The following PARD3B variants were observed in gnomAD, a reference collection of about 807,000 sequenced individuals.
The protein encoded by PARD3B is par-3 family cell polarity regulator beta.
PARD3B carries 103 observed loss-of-function variants against 130.2 expected under a neutral mutation model. That is an observed-to-expected ratio of 0.79 (90% CI 0.67 to 0.93). The LOEUF is 0.93. PARD3B is among the 40% of genes least tolerant of loss of function. The probability of loss-of-function intolerance (pLI) is 0.00; values close to 1 mark genes in which losing one functional copy is unlikely to be tolerated. For synonymous variants in PARD3B, 583 were observed against 553.2 expected, an observed-to-expected ratio of 1.05 and a Z score of -0.76; for missense variants, 1,609 against 1,499.2, an observed-to-expected ratio of 1.07 and a Z score of -1.21.
chr2:204,791,147 TAGAATC>T (rs1314047900), intron 2 of PARD3B, among the ~76,000 whole-genome samples: 2 of 152,210 alleles, frequency 1.3e-5, no homozygotes, highest in African/African-American at 2.4e-5. Context: ...CTCTTCATGT[TAGAATC>T]AGAGCAAGCC....
intron 3 of PARD3B, among the ~76,000 whole-genome samples, chr2:204,966,695 T>C (rs1202687917): frequency 1.3e-5 from 2 of 152,178 alleles, no homozygotes; most frequent in Admixed American, 1.3e-4. Flanking sequence ...TTTCTTCAGC[T>C]TTTTTGTTGG....
At chr2:204,781,509 T>C (rs1158986329) in intron 2 of PARD3B, among the ~76,000 whole-genome samples, 1 of 152,130 alleles carries the variant, frequency 6.6e-6, no homozygotes, top group Admixed American at 6.6e-5. Flanking sequence ...CTAGCTTTAA[T>C]GTTGATGTTT....
intron 22 of PARD3B, among the ~76,000 whole-genome samples, chr2:205,603,654 A>G (rs192450143): frequency 8.5e-4 from 130 of 152,244 alleles, no homozygotes; most frequent in African/African-American, 2.8e-3. Flanking sequence ...CTGTTTTGTC[A>G]GAAACCAGAA....
intron 1 of PARD3B, among the ~76,000 whole-genome samples, chr2:204,592,456 C>A (rs1460456274): frequency 6.6e-6 from 1 of 152,114 alleles, no homozygotes; most frequent in Non-Finnish European, 1.5e-5. Context: ...ATTGTGTTTT[C>A]TAAAACATCC....
At chr2:204,778,209 T>C (rs2041708705) in intron 2 of PARD3B, among the ~76,000 whole-genome samples, 1 of 152,128 alleles carries the variant, frequency 6.6e-6, no homozygotes, top group East Asian at 1.9e-4. Context: ...TGTGGTCTTA[T>C]TGAAATTCAG....
chr2:205,172,502 A>G, intron 12 of PARD3B, 121 bp downstream of exon 12: 1 of 1,005,664 alleles, frequency 9.9e-7, no homozygotes. Flanking sequence ...AAGGGCTTTG[A>G]TGGGAAACAG....
Position 205,616,069 on chromosome 2 carries a change from A to G in PARD3B, c.*256A>G. 1 of 483,130 alleles carries G rather than the reference A, an allele frequency of 2.1e-6. No homozygotes were observed. Among genetic ancestry groups the G allele is most frequent in the South Asian group, 3.3e-5 (1 of 30,338 alleles). The allele number at this position is 483,130 out of a possible 1,614,324, so 29.9% of individuals were successfully genotyped here. The stretch of plus-strand genomic sequence containing the variant: ...ACTACCTGATAGTTGAAACGCTTTC[A>G]GAGTTGTTCAAATCAGTGAGAGTGG... On this transcript the variant is annotated 3_prime_UTR_variant, in exon 23 of 23. Transcript: ENST00000406610.
chr2:204,876,380 G>A (rs1369927317), intron 2 of PARD3B, among the ~76,000 whole-genome samples: 1 of 152,122 alleles, frequency 6.6e-6, no homozygotes, highest in Non-Finnish European at 1.5e-5. Flanking sequence ...TTTTTGTAGA[G>A]CAAATCAAAT....
intron 1 of PARD3B, among the ~76,000 whole-genome samples, chr2:204,682,969 A>G (rs561746260): frequency 6.6e-6 from 1 of 152,270 alleles, no homozygotes; most frequent in Non-Finnish European, 1.5e-5. Flanking sequence ...ATTAAAGCCT[A>G]TTTGGAACCA....
chr2:204,969,065 A>G (rs888615618), intron 3 of PARD3B, among the ~76,000 whole-genome samples: 9 of 152,246 alleles, frequency 5.9e-5, no homozygotes, highest in South Asian at 2.1e-4. Context: ...CAGCCAAAGC[A>G]TGTTACCATA....
At chr2:205,057,412 TATACATATATAC>T (rs1369769980) in intron 4 of PARD3B, among the ~76,000 whole-genome samples, 2 of 136,792 alleles carry the variant, frequency 1.5e-5, no homozygotes, top group Middle Eastern at 4.7e-3. Flanking sequence ...GTTATATACA[TATACATATATAC>T]ATGTATATGT....
intron 11 of PARD3B, among the ~76,000 whole-genome samples, chr2:205,167,554 A>G (rs557426375): frequency 6.6e-6 from 1 of 152,306 alleles, no homozygotes; most frequent in South Asian, 2.1e-4. Context: ...TCTGACTGCA[A>G]TTTCTTCTTT....
intron 20 of PARD3B, among the ~76,000 whole-genome samples, chr2:205,454,603 C>A (rs2048209349): frequency 6.6e-6 from 1 of 152,102 alleles, no homozygotes; most frequent in Admixed American, 6.6e-5. Context: ...TTGGCCGTTA[C>A]TCAGCCTCTC....
chr2:204,854,031 C>T (rs1410389002), intron 2 of PARD3B, among the ~76,000 whole-genome samples: 1 of 152,000 alleles, frequency 6.6e-6, no homozygotes, highest in Non-Finnish European at 1.5e-5. Flanking sequence ...AGGAGTAGGG[C>T]ATTTTTGGTA....
rs778763665 is a variant in PARD3B at position 205,572,815 on chromosome 2, T to C, written c.3260+19412T>C. ...ATTGTGAAACTGTTTATGTGGTCCC[T>C]ACAAAAGATGCTGAAAGCCTGAAAT... On this transcript the variant is annotated intron_variant, in intron 22 of 22. Coordinates refer to ENST00000406610, the MANE Select transcript of PARD3B (RefSeq NM_001302769.2). This position sits in a 1 kb window ranked among gnomAD's most constrained non-coding sequence, Gnocchi z 4.2. 3.9e-5 allele frequency among the ~76,000 whole-genome samples: 6 copies of C among 152,174 alleles called. No individual in the cohort carries two copies. The highest frequency in any genetic ancestry group is 7.2e-5 in the African/African-American group (3 of 41,456).
intron 3 of PARD3B, among the ~76,000 whole-genome samples, chr2:205,003,014 A>G (rs999971672): frequency 2.0e-5 from 3 of 152,178 alleles, no homozygotes; most frequent in African/African-American, 7.2e-5. Context: ...GGAGCTTAAC[A>G]AGGACTTAAC....
intron 22 of PARD3B, among the ~76,000 whole-genome samples, chr2:205,599,084 CA>C: frequency 6.6e-6 from 1 of 152,136 alleles, no homozygotes; most frequent in Admixed American, 6.5e-5. Context: ...AAACCAACCC[CA>C]AAGCTAGCAG....
At chr2:205,245,143 G>A (rs995514151) in intron 15 of PARD3B, among the ~76,000 whole-genome samples, 1 of 152,130 alleles carries the variant, frequency 6.6e-6, no homozygotes, top group African/African-American at 2.4e-5. Context: ...GTTCTGCTTG[G>A]GTGTTGGCTT....
chr2:204,811,286 T>G (rs6756598), intron 2 of PARD3B, among the ~76,000 whole-genome samples: 2 of 152,194 alleles, frequency 1.3e-5, no homozygotes, highest in African/African-American at 4.8e-5. Context: ...GGAGTTAAAT[T>G]GGAACTTTTG....
Sources: gnomAD v4.1 joint callset for allele counts (sites outside exome capture counted in the v4.1 genomes callset) on GRCh38, gnomAD v4.1.1 for gene constraint, Gnocchi (gnomAD v3.1) non-coding constraint, MANE v1.5 for transcripts, NCBI Gene and HGNC (gene_info 2026-07-23, HGNC 2026-07-21) for gene names.